WNK2: variants seen among roughly 807,000 people sequenced by gnomAD.
WNK2 encodes WNK lysine deficient protein kinase 2, also known as serine/threonine-protein kinase WNK2.
In WNK2, 67 loss-of-function variants were observed where a neutral mutation model predicts 192.1. The ratio of observed to expected loss-of-function variants is 0.35; its 90% confidence interval spans 0.29 to 0.43. The LOEUF is 0.43. Ranked by LOEUF, WNK2 falls within the 20% of genes least tolerant of loss-of-function variation. The probability of loss-of-function intolerance (pLI) is 1.00; values close to 1 mark genes in which losing one functional copy is unlikely to be tolerated. For synonymous variants in WNK2, 1,439 were observed against 1,393.9 expected (o/e 1.03, Z -0.72); for missense variants, 2,698 against 3,089.7 (o/e 0.87, Z 3.01).
chr9:93,274,486 C>T (rs567969006), intron 19 of WNK2, among the ~76,000 whole-genome samples: 29 of 144,244 alleles, frequency 2.0e-4, no homozygotes, highest in South Asian at 2.1e-4. Flanking sequence ...CACTCCAGCC[C>T]GGGCAACAGT....
intron 20 of WNK2, 102 bp downstream of exon 20, chr9:93,289,722 C>T (rs1220023371): frequency 8.3e-7 from 1 of 1,207,278 alleles, no homozygotes; most frequent in Non-Finnish European, 1.1e-6. Context: ...CAGAGCCGCC[C>T]TCACTCAGGG....
intron 2 of WNK2, among the ~76,000 whole-genome samples, chr9:93,191,022 C>G (rs1416428570): frequency 6.6e-6 from 1 of 152,180 alleles, no homozygotes; most frequent in African/African-American, 2.4e-5. Flanking sequence ...GGGGCCTGCG[C>G]TGGAGACCCC....
intron 1 of WNK2, among the ~76,000 whole-genome samples, 33 bp downstream of exon 1, chr9:93,184,418 C>T (rs1828875040): frequency 1.3e-5 from 2 of 151,562 alleles, no homozygotes; most frequent in South Asian, 2.1e-4. Context: ...ACGCCGCTCG[C>T]CGCCTTTGTG....
chr9:93,273,856 G>A (rs1846353983), intron 19 of WNK2, among the ~76,000 whole-genome samples: 1 of 152,134 alleles, frequency 6.6e-6, no homozygotes, highest in Admixed American at 6.5e-5. Context: ...ATAATTTACA[G>A]TAAGAGAAAA....
intron 2 of WNK2, among the ~76,000 whole-genome samples, chr9:93,206,367 C>T (rs1357268603): frequency 6.6e-6 from 1 of 152,190 alleles, no homozygotes; most frequent in Non-Finnish European, 1.5e-5. Flanking sequence ...AAACCCCCAC[C>T]CCTTCACCGC....
chr9:93,262,127 G>A lies in WNK2; in HGVS notation c.3360+20G>A, dbSNP rs1212827091. 1.3e-6 allele frequency: 2 copies of A among 1,561,022 alleles called. No individual in the cohort carries two copies. Among genetic ancestry groups the A allele is most frequent in the East Asian group, 2.3e-5 (1 of 44,066 alleles). The stretch of plus-strand genomic sequence containing the variant: ...CAAGAGGTGTGTGCCCCTCCCCCCA[G>A]CCTGTCCCATGACTGGGCAGTTGCG... On this transcript the variant is annotated intron_variant, in intron 13 of 29. Transcript: ENST00000427277.
chr9:93,310,671 T>C (rs1853480168), intron 28 of WNK2, among the ~76,000 whole-genome samples: 1 of 152,156 alleles, frequency 6.6e-6, no homozygotes, highest in African/African-American at 2.4e-5. Flanking sequence ...TATCCTTCTT[T>C]CTGTCTCTAT....
At position 93,185,035 on chromosome 9, in the gene WNK2, C is replaced by T. The variant is rs1395865918; in HGVS notation, c.106C>T (p.Pro36Ser). Residue 36 changes from proline to serine, a missense_variant, in exon 2 of 30, where the codon CCG (proline) becomes TCG (serine). Transcript: ENST00000427277. ...MAEPRAKAAR[P>S]GPQRFLRRSV... ...GGAGCCTCGGGCGAAGGCGGCGCGG[C>T]CGGGGCCCCAGCGCTTTCTGCGGCG... is the stretch of plus-strand genomic sequence containing the variant. 4.7e-6 allele frequency: 6 copies of T among 1,271,508 alleles called. No individual in the cohort carries two copies. In the South Asian group the frequency reaches 7.8e-5, roughly 17 times the overall value. 78.8% of individuals were successfully genotyped at this position (1,271,508 alleles called of 1,614,324 possible). A position where few individuals can be genotyped will look rare whatever the true frequency, so the allele number is the denominator to read the frequency against.
chr9:93,275,241 G>T (rs1385006522), intron 19 of WNK2, among the ~76,000 whole-genome samples: 2 of 152,108 alleles, frequency 1.3e-5, no homozygotes, highest in African/African-American at 2.4e-5. Flanking sequence ...AACAAGCCAG[G>T]CACAATTGCA....
intron 2 of WNK2, among the ~76,000 whole-genome samples, chr9:93,224,211 C>A (rs146379371): frequency 2.0e-5 from 3 of 152,216 alleles, no homozygotes; most frequent in Non-Finnish European, 2.9e-5. Context: ...CTGGTGGGAC[C>A]CAGTTCTGCC....
At chr9:93,286,070 G>T (rs1364392123) in intron 19 of WNK2, among the ~76,000 whole-genome samples, 3 of 152,154 alleles carry the variant, frequency 2.0e-5, no homozygotes, top group Non-Finnish European at 4.4e-5. Context: ...GTTCCTAGAA[G>T]TAATAAGAGG....
intron 2 of WNK2, among the ~76,000 whole-genome samples, chr9:93,222,265 C>T (rs551983160): frequency 1.3e-5 from 2 of 152,104 alleles, no homozygotes; most frequent in Non-Finnish European, 2.9e-5. Context: ...TGCTTCCAGG[C>T]TCAGGTGATT....
At position 93,297,949 on chromosome 9, in the gene WNK2, C is replaced by A; in HGVS notation, c.5805C>A (p.Gly1935=). 1 of 1,585,024 alleles carries A rather than the reference C, an allele frequency of 6.3e-7. No homozygotes were observed. The highest frequency in any genetic ancestry group is 1.8e-5 in the Admixed American group (1 of 55,994). ...RLGKPLPPNV[G]FFHTAPPTGR... ...GCAAGCCACTGCCCCCCAACGTGGG[C>A]TTCTTCCACACGGCACCCCCCACTG... Residue 1935 remains glycine, a synonymous_variant, in exon 24 of 30, where the codon GGC becomes GGA. Coordinates refer to ENST00000427277, the MANE Select transcript of WNK2 (RefSeq NM_006648.4).
chr9:93,202,981 A>G (rs1832752046), intron 2 of WNK2, among the ~76,000 whole-genome samples: 1 of 150,612 alleles, frequency 6.6e-6, no homozygotes, highest in South Asian at 2.1e-4. Context: ...CCACGTGGCA[A>G]CCATTGGAGG....
At position 93,289,019 on chromosome 9, in the gene WNK2, C is replaced by A; in HGVS notation, c.4265C>A (p.Thr1422Lys). Residue 1422 changes from threonine to lysine, a missense_variant, in exon 20 of 30, where the codon ACA becomes AAA. Physicochemically the swap from Thr to Lys is moderately conservative, Grantham distance 78. Transcript: ENST00000427277. ...GCCAGCCAGGCAGGGGGTCCAGGGACACCTCAGGGGCTGACCAGTGAGCTC... is the reference window on the plus strand; with the variant it reads ...GCCAGCCAGGCAGGGGGTCCAGGGAAACCTCAGGGGCTGACCAGTGAGCTC... ...GTASQAGGPG[T>K]PQGLTSELET... is the part of the protein sequence containing the mutation. 1 of 1,603,632 alleles carries A rather than the reference C, an allele frequency of 6.2e-7. No homozygotes were observed. Among genetic ancestry groups the A allele is most frequent in the South Asian group, 1.1e-5 (1 of 89,508 alleles).
chr9:93,239,322 T>C lies in WNK2; in HGVS notation c.1323-435T>C, dbSNP rs1403313647. On this transcript the variant is annotated intron_variant, in intron 6 of 29. Transcript: ENST00000427277. This position sits in a 1 kb window ranked among gnomAD's most constrained non-coding sequence, Gnocchi z 4.2. ...TGAAAAGGTCACTGCTTCATGGCAC[T>C]GGGCACAGGGAGCTCAGAGCGTGGG... Among the ~76,000 whole-genome samples the C allele has an allele frequency of 6.6e-6, 1 of 152,218 alleles. No individual in the cohort carries two copies. The highest frequency in any genetic ancestry group is 2.4e-5 in the African/African-American group (1 of 41,456).
intron 29 of WNK2, 43 bp downstream of exon 29, chr9:93,317,674 C>T: frequency 1.9e-6 from 3 of 1,594,428 alleles, no homozygotes; most frequent in Non-Finnish European, 2.6e-6. Flanking sequence ...TGTGCGCTGC[C>T]TCTGGGTCAG....
chr9:93,263,399 AG>A, intron 14 of WNK2, 166 bp from the exon 15 acceptor site: 1 of 793,410 alleles, frequency 1.3e-6, no homozygotes, highest in East Asian at 2.7e-5. Flanking sequence ...GAGCTGGGTG[AG>A]GGCCCAGAAG....
At chr9:93,233,701 C>CAAAA (rs34665591) in intron 4 of WNK2, among the ~76,000 whole-genome samples, 2 of 100,258 alleles carry the variant, frequency 2.0e-5, no homozygotes, top group East Asian at 2.7e-4. Flanking sequence ...GATTCCGTCT[C>CAAAA]AAAAAAAAAA....
Sources: allele counts gnomAD v4.1 joint callset (sites outside exome capture counted in the v4.1 genomes callset), GRCh38; gene constraint gnomAD v4.1.1; non-coding constraint Gnocchi (gnomAD v3.1); transcripts MANE v1.5; gene names NCBI Gene and HGNC (gene_info 2026-07-23, HGNC 2026-07-21).